PDE4DIP: variants seen among roughly 807,000 people sequenced by gnomAD.
PDE4DIP encodes the protein phosphodiesterase 4D interacting protein, also known as myomegalin.
In PDE4DIP, 59 loss-of-function variants were observed where a neutral mutation model predicts 221.4. The ratio of observed to expected loss-of-function variants is 0.27; its 90% CI spans 0.22 to 0.33. The LOEUF is 0.33. PDE4DIP is among the 10% of genes least tolerant of loss of function. PDE4DIP has a pLI of 1.00. For missense variants in PDE4DIP, 1,036 were observed against 2,154.2 expected, an observed-to-expected ratio of 0.48 and a Z score of 10.28; for synonymous variants, 404 against 815.9, an observed-to-expected ratio of 0.50 and a Z score of 8.60.
At chr1:148,940,969 G>A (rs1257237928) in intron 5 of PDE4DIP, among the ~76,000 whole-genome samples, 1 of 145,166 alleles carries the variant, frequency 6.9e-6, no homozygotes, top group Non-Finnish European at 1.5e-5. Context: ...TTGGAATTTG[G>A]TACAATACTT....
intron 31 of PDE4DIP, among the ~76,000 whole-genome samples, chr1:149,011,077 T>C (rs1454273471): frequency 1.3e-5 from 2 of 152,008 alleles, no homozygotes; most frequent in Non-Finnish European, 2.9e-5. Flanking sequence ...CATTAATGGA[T>C]GTATGAATGG....
chr1:148,867,977 C>T, intron 2 of PDE4DIP, among the ~76,000 whole-genome samples: 1 of 150,538 alleles, frequency 6.6e-6, no homozygotes, highest in Non-Finnish European at 1.5e-5. Context: ...CTCAGACAGC[C>T]TTGCTCACAT....
At chr1:148,988,056 C>T (rs2062224520) in intron 21 of PDE4DIP, among the ~76,000 whole-genome samples, 1 of 152,194 alleles carries the variant, frequency 6.6e-6, no homozygotes, top group Non-Finnish European at 1.5e-5. Flanking sequence ...TCACTCCTTA[C>T]CTTTTCAATG....
chr1:148,979,717 C>T lies in PDE4DIP; in HGVS notation c.2575-20C>T. On this transcript the variant is annotated intron_variant, in intron 19 of 43. Coordinates refer to ENST00000369354, the Ensembl canonical transcript of PDE4DIP. ...TCACTGTGCCATTTGCGTATTGCTT[C>T]CTCTCTCTTCTTTACTCAGTTGCTG... The T allele has an allele frequency of 3.7e-6, 6 of 1,608,168 alleles. No individual in the cohort carries two copies. The highest frequency in any genetic ancestry group is 1.3e-5 in the African/African-American group (1 of 74,882).
chr1:149,023,029 G>T lies in PDE4DIP; in HGVS notation c.6086-1416G>T, dbSNP rs1553621585. 3.9e-5 allele frequency among the ~76,000 whole-genome samples: 6 copies of T among 152,400 alleles called. No homozygotes were observed. In the South Asian group the frequency reaches 1.0e-3, roughly 26 times the overall value. The stretch of plus-strand genomic sequence containing the variant: ...AGAGAGGAACATCATAAAACTTTGG[G>T]CAAAATTCAAGAGTAGATTATTTAC... On this transcript the variant is annotated intron_variant, in intron 37 of 43. Coordinates refer to ENST00000369354, the Ensembl canonical transcript of PDE4DIP.
intron 37 of PDE4DIP, among the ~76,000 whole-genome samples, chr1:149,022,604 G>T (rs1300940573): frequency 6.6e-6 from 1 of 152,234 alleles, no homozygotes; most frequent in Non-Finnish European, 1.5e-5. Context: ...GTCATGGTGA[G>T]TGTTGGGTCA....
chr1:148,979,694 A>G (rs782437945), intron 19 of PDE4DIP, 43 bp from the exon 23 acceptor site: 1 of 1,564,134 alleles, frequency 6.4e-7, no homozygotes, highest in Admixed American at 1.7e-5. Context: ...TTCATGTCTC[A>G]CTGTGCCATT....
rs367873710 is a variant in PDE4DIP at position 148,981,387 on chromosome 1, C to T, written c.2805C>T (p.Ala935=). ...GCTTAAACAGGCTGGAGACCCTGGC[C>T]GCCATTGGAGGTGGGGAACTGGAAA... is the stretch of plus-strand genomic sequence containing the variant. The change falls in exon 21 of 44, where the codon GCC becomes GCT. Residue 935 remains alanine, a synonymous_variant. Coordinates refer to ENST00000369354, the Ensembl canonical transcript of PDE4DIP. 2.9e-4 allele frequency: 473 copies of T among 1,613,964 alleles called. 4 individuals are homozygous for T. The East Asian group carries it at 5.3e-3, about 18-fold the overall frequency.
exon 44 of PDE4DIP, chr1:149,032,122 G>A (rs1055315): frequency 1.5e-5 from 24 of 1,552,844 alleles, no homozygotes; most frequent in East Asian, 9.2e-5. Flanking sequence ...CCAAGTCCAC[G>A]GGAGGGTCCA....
Position 149,003,522 on chromosome 1 carries a change from TG to T in PDE4DIP, c.3767-88del. 3 of 812,434 alleles carry T rather than the reference TG, an allele frequency of 3.7e-6. No individual in the cohort carries two copies. The East Asian group carries it at 8.0e-5, about 22-fold the overall frequency. The allele number at this position is 812,434 out of a possible 1,614,324, so 50.3% of individuals were successfully genotyped here. A position where few individuals can be genotyped will look rare whatever the true frequency, so the allele number is the denominator to read the frequency against. The stretch of plus-strand genomic sequence containing the variant: ...TCTCCCACTGTGGATCTGCCTTCCG[TG>T]CCTCAAAAGGTTAGGGTATGTGCCA... On this transcript the variant is annotated intron_variant, in intron 25 of 43. Coordinates refer to ENST00000369354, the Ensembl canonical transcript of PDE4DIP.
At chr1:148,972,584 C>G (rs782361257) in exon 16 of PDE4DIP, 5 of 540,420 alleles carry the variant, frequency 9.3e-6, no homozygotes, top group East Asian at 8.8e-5. Flanking sequence ...ATACCCAGAT[C>G]CACATTAGGT....
At chr1:148,933,714 A>G (rs1234101331) in intron 4 of PDE4DIP, among the ~76,000 whole-genome samples, 1 of 152,204 alleles carries the variant, frequency 6.6e-6, no homozygotes, top group African/African-American at 2.4e-5. Flanking sequence ...TAATCGCACC[A>G]TGGCAGAGCC....
In PDE4DIP at chr1:149,020,357, A is replaced by C. The variant is rs1575499001; in HGVS notation, c.5960+21A>C. 3 of 384,058 alleles carry C rather than the reference A, an allele frequency of 7.8e-6. No homozygotes were observed. In the East Asian group the frequency reaches 1.3e-4, roughly 16 times the overall value. 23.8% of individuals were successfully genotyped at this position (384,058 alleles called of 1,614,324 possible). A position where few individuals can be genotyped will look rare whatever the true frequency, so the allele number is the denominator to read the frequency against. ...TCCAGGTAAGAGGGGACCCATTGAC[A>C]GAGAAGGTAGCATTCTTCATTCTTA... On this transcript the variant is annotated intron_variant, in intron 36 of 43. Coordinates refer to ENST00000369354, the Ensembl canonical transcript of PDE4DIP.
At position 148,979,306 on chromosome 1, in the gene PDE4DIP, T is replaced by G. The variant is rs143487885; in HGVS notation, c.2575-431T>G. Among the ~76,000 whole-genome samples the G allele has an allele frequency of 1.7e-3, 266 of 152,350 alleles. 1 individual carries two copies. Among genetic ancestry groups the G allele is most frequent in the African/African-American group, 5.8e-3 (242 of 41,588 alleles). On this transcript the variant is annotated intron_variant, in intron 19 of 43. Coordinates refer to ENST00000369354, the Ensembl canonical transcript of PDE4DIP. Reference sequence around the variant, plus strand: ...ACTCACAATGACACACATCTATGATTAATGAATGTCTTTTTCCTCCACTAG... The same window carrying G: ...ACTCACAATGACACACATCTATGATGAATGAATGTCTTTTTCCTCCACTAG...
chr1:148,957,266 TG>T (rs1472486911), intron 5 of PDE4DIP, among the ~76,000 whole-genome samples: 1 of 18,974 alleles, frequency 5.3e-5, no homozygotes, highest in Non-Finnish European at 1.1e-4. Context: ...GTTGGCTTAG[TG>T]GGACTTGCTA....
At chr1:149,030,513 T>A in intron 43 of PDE4DIP, 1 of 941,654 alleles carries the variant, frequency 1.1e-6, no homozygotes. Context: ...ATTGTCATCA[T>A]CTCTCCTTTT....
At chr1:148,923,780 A>C (rs6695934) in intron 1 of PDE4DIP, among the ~76,000 whole-genome samples, 2 of 144,010 alleles carry the variant, frequency 1.4e-5, no homozygotes, top group East Asian at 1.9e-4. Flanking sequence ...AGCTGCGGTT[A>C]TTTGTATCAG....
chr1:149,023,540 T>C (rs192531154), intron 37 of PDE4DIP, among the ~76,000 whole-genome samples: 1 of 146,926 alleles, frequency 6.8e-6, no homozygotes, highest in East Asian at 2.0e-4. Flanking sequence ...TATATATACA[T>C]ATATATATTT....
rs2762731 is a variant in PDE4DIP, at chr1:148,935,107, G to A, written c.519-2640G>A. Among the ~76,000 whole-genome samples the A allele has an allele frequency of 1.6e-4, 25 of 152,116 alleles. No homozygotes were observed. In the East Asian group the frequency reaches 4.1e-3, roughly 25 times the overall value. On this transcript the variant is annotated intron_variant, in intron 4 of 43. Coordinates refer to ENST00000369354, the Ensembl canonical transcript of PDE4DIP. Reference sequence around the variant, plus strand: ...CGCATGCCTGTAGTCCCAGCTACTCGGGAGGCTGAGGCAGGAGAATCGCTT... The same window carrying A: ...CGCATGCCTGTAGTCCCAGCTACTCAGGAGGCTGAGGCAGGAGAATCGCTT...
Sources: allele counts gnomAD v4.1 joint callset (sites outside exome capture counted in the v4.1 genomes callset), GRCh38; gene constraint gnomAD v4.1.1; transcripts MANE v1.5; gene names NCBI Gene and HGNC (gene_info 2026-07-23, HGNC 2026-07-21).